The following MECOM variants were observed in gnomAD, a reference collection of about 807,000 sequenced individuals.
The protein encoded by MECOM is MDS1 and EVI1 complex locus.
A neutral mutation model predicts 116.3 loss-of-function variants in MECOM; 13 were observed. The ratio of observed to expected loss-of-function variants is 0.11; its 90% CI spans 0.07 to 0.18. The LOEUF is 0.18. Among genes scored for constraint, MECOM ranks in the 10% least tolerant of loss-of-function variants. The pLI, the probability that MECOM is intolerant of heterozygous loss-of-function variation, is 1.00. For synonymous variants in MECOM, 528 were observed against 535.2 expected, an observed-to-expected ratio of 0.99 and a Z score of 0.19; for missense variants, 1,299 against 1,509.0, an observed-to-expected ratio of 0.86 and a Z score of 2.31.
At chr3:169,234,235 G>C (rs928214919) in intron 2 of MECOM, among the ~76,000 whole-genome samples, 11 of 152,110 alleles carry the variant, frequency 7.2e-5, no homozygotes, top group Admixed American at 5.2e-4. Context: ...GAGGTACTCT[G>C]TGCCATTCAA....
At chr3:169,322,384 G>A (rs1460045561) in intron 2 of MECOM, among the ~76,000 whole-genome samples, 1 of 152,084 alleles carries the variant, frequency 6.6e-6, no homozygotes, top group African/African-American at 2.4e-5. Context: ...AGAGGCTCTA[G>A]GGCTTTGTCT....
intron 1 of MECOM, among the ~76,000 whole-genome samples, chr3:169,495,855 G>C (rs1753740202): frequency 6.6e-6 from 1 of 152,182 alleles, no homozygotes; most frequent in Non-Finnish European, 1.5e-5. Flanking sequence ...GCAGGTTGGG[G>C]TTGTCCTTTC....
intron 2 of MECOM, among the ~76,000 whole-genome samples, chr3:169,206,536 G>A (rs1426074307): frequency 2.6e-5 from 4 of 152,006 alleles, no homozygotes; most frequent in Non-Finnish European, 4.4e-5. Flanking sequence ...CAGATTGCCT[G>A]AAGTCAGGAG....
chr3:169,104,717 G>A (rs553911011), intron 10 of MECOM, among the ~76,000 whole-genome samples: 2 of 152,024 alleles, frequency 1.3e-5, no homozygotes, highest in Admixed American at 1.3e-4. Flanking sequence ...TATTATTCTC[G>A]GCTTTCATCT....
chr3:169,372,734 C>G (rs1156676259), intron 2 of MECOM, among the ~76,000 whole-genome samples: 1 of 152,024 alleles, frequency 6.6e-6, no homozygotes, highest in Admixed American at 6.6e-5. Flanking sequence ...TCTGCCAGCT[C>G]TGTGCTAAGC....
At chr3:169,231,632 C>T (rs1390464945) in intron 2 of MECOM, among the ~76,000 whole-genome samples, 2 of 151,942 alleles carry the variant, frequency 1.3e-5, no homozygotes, top group African/African-American at 2.4e-5. Flanking sequence ...GAGAATGAGT[C>T]TTCCACACAA....
At chr3:169,658,980 G>C (rs529986692) in intron 1 of MECOM, among the ~76,000 whole-genome samples, 1 of 147,470 alleles carries the variant, frequency 6.8e-6, no homozygotes, top group East Asian at 2.0e-4. Context: ...TGCAGCCTCG[G>C]ATAACCTGGC....
At chr3:169,555,221 AT>A (rs563128997) in intron 1 of MECOM, among the ~76,000 whole-genome samples, 112 of 152,310 alleles carry the variant, frequency 7.4e-4, no homozygotes, top group Non-Finnish European at 1.2e-3. Context: ...TCATTCATTC[AT>A]TCATTCAACA....
intron 2 of MECOM, among the ~76,000 whole-genome samples, chr3:169,156,208 C>T (rs1324187109): frequency 6.6e-6 from 1 of 152,110 alleles, no homozygotes; most frequent in East Asian, 1.9e-4. Context: ...CACCAATGTG[C>T]TAAATACACT....
chr3:169,095,321 A>G (rs1721122304), intron 12 of MECOM, 76 bp from the exon 13 acceptor site: 1 of 1,259,044 alleles, frequency 7.9e-7, no homozygotes, highest in South Asian at 1.6e-5. Flanking sequence ...CCAGCTATCA[A>G]AAATCATCTC....
rs960980428 is a variant in MECOM, at chr3:169,382,868, A to T, written c.38-1344T>A. Among the ~76,000 whole-genome samples the T allele has an allele frequency of 2.1e-4, 18 of 83,950 alleles. 1 individual carries two copies. The highest frequency in any genetic ancestry group is 3.3e-4 in the Non-Finnish European group (13 of 39,892). The allele number at this position is 83,950 out of a possible 152,430, so 55.1% of individuals were successfully genotyped here. A position where few individuals can be genotyped will look rare whatever the true frequency, so the allele number is the denominator to read the frequency against. ...CCATCTCAAAAAAAAAAAAAAATAA[A>T]AAAAATAAAAAAAGAAGGTAAAATG... On this transcript the variant is annotated intron_variant, in intron 1 of 16. Coordinates refer to ENST00000651503, the MANE Select transcript of MECOM (RefSeq NM_004991.4).
At chr3:169,304,557 T>A (rs1328533000) in intron 2 of MECOM, among the ~76,000 whole-genome samples, 2 of 152,222 alleles carry the variant, frequency 1.3e-5, no homozygotes, top group African/African-American at 4.8e-5. Flanking sequence ...TTGAAGTGCT[T>A]TCCTTATATT....
chr3:169,622,650 A>G lies in MECOM; in HGVS notation c.37+40686T>C, dbSNP rs187227717. 3.9e-5 allele frequency among the ~76,000 whole-genome samples: 6 copies of G among 152,368 alleles called. No individual in the cohort carries two copies. The East Asian group carries it at 5.8e-4, about 15-fold the overall frequency. The stretch of plus-strand genomic sequence containing the variant: ...TCCTGAGACACTTTTGTCAGAATGC[A>G]TAAGTTAGCTAATATCAGTGGGAGT... On this transcript the variant is annotated intron_variant, in intron 1 of 16. Transcript: ENST00000651503.
At chr3:169,608,053 C>A (rs546896562) in intron 1 of MECOM, among the ~76,000 whole-genome samples, 13 of 152,320 alleles carry the variant, frequency 8.5e-5, no homozygotes, top group African/African-American at 3.1e-4. Context: ...ACCACTTGCA[C>A]CCTATGCAAC....
chr3:169,498,448 G>T (rs1411965391), intron 1 of MECOM, among the ~76,000 whole-genome samples: 1 of 152,142 alleles, frequency 6.6e-6, no homozygotes, highest in Non-Finnish European at 1.5e-5. Context: ...CAATACTAAA[G>T]GATGCTCGGT....
intron 7 of MECOM, among the ~76,000 whole-genome samples, chr3:169,119,566 T>A (rs1291291709): frequency 6.6e-6 from 1 of 152,206 alleles, no homozygotes; most frequent in Non-Finnish European, 1.5e-5. Context: ...TTTTAAATAA[T>A]AGAGAAAGCA....
chr3:169,338,600 G>GGTGTGT (rs149763365), intron 2 of MECOM, among the ~76,000 whole-genome samples: 5,781 of 146,500 alleles, frequency 0.039, 118 homozygotes, highest in Non-Finnish European at 0.051. Context: ...TTATGTTAGG[G>GGTGTGT]GTGTGTGTGT....
At chr3:169,123,803 C>T (rs1210419747) in intron 5 of MECOM, among the ~76,000 whole-genome samples, 3 of 151,956 alleles carry the variant, frequency 2.0e-5, no homozygotes, top group African/African-American at 7.2e-5. Context: ...TGCCCACTGA[C>T]CAAAGGTGGG....
chr3:169,141,475 C>T (rs1738093108), intron 3 of MECOM, among the ~76,000 whole-genome samples: 1 of 151,964 alleles, frequency 6.6e-6, no homozygotes, highest in African/African-American at 2.4e-5. Flanking sequence ...GCTTATTCAC[C>T]ATTTGGCAGC....
Sources: allele counts gnomAD v4.1 joint callset (sites outside exome capture counted in the v4.1 genomes callset), GRCh38; gene constraint gnomAD v4.1.1; transcripts MANE v1.5; gene names NCBI Gene and HGNC (gene_info 2026-07-23, HGNC 2026-07-21).